Variants in PTPRD observed in about 807,000 individuals in gnomAD.
The protein encoded by PTPRD is protein tyrosine phosphatase receptor type D.
In PTPRD, 34 loss-of-function variants were observed where a neutral mutation model predicts 214.5. The observed-to-expected ratio is 0.16, with a 90% CI of 0.12 to 0.21. PTPRD has a LOEUF of 0.21. Ranked by LOEUF, PTPRD falls within the 10% of genes least tolerant of loss-of-function variation. The pLI, the probability that PTPRD is intolerant of heterozygous loss-of-function variation, is 1.00. For synonymous variants in PTPRD, 1,128 were observed against 845.7 expected (o/e 1.33, Z -5.79); for missense variants, 2,545 against 2,398.7 (o/e 1.06, Z -1.27).
At chr9:10,587,944 T>C (rs2074351934) in intron 2 of PTPRD, among the ~76,000 whole-genome samples, 1 of 152,160 alleles carries the variant, frequency 6.6e-6, no homozygotes, top group Non-Finnish European at 1.5e-5. Context: ...AATAAGTTCA[T>C]ATTCCTAGTT....
intron 11 of PTPRD, among the ~76,000 whole-genome samples, chr9:8,874,595 T>G (rs1256539127): frequency 1.3e-5 from 2 of 152,208 alleles, no homozygotes; most frequent in Non-Finnish European, 2.9e-5. Flanking sequence ...TTGGTTACCT[T>G]GTTCTCCTAA....
At chr9:8,787,209 G>A (rs1173566303) in intron 11 of PTPRD, among the ~76,000 whole-genome samples, 1 of 152,082 alleles carries the variant, frequency 6.6e-6, no homozygotes, top group Non-Finnish European at 1.5e-5. Flanking sequence ...TAGTTACCTT[G>A]GGAAGCTAGA....
At chr9:10,003,993 T>G (rs550568885) in intron 4 of PTPRD, among the ~76,000 whole-genome samples, 1 of 151,864 alleles carries the variant, frequency 6.6e-6, no homozygotes, top group African/African-American at 2.4e-5. Context: ...AAGATTGGAA[T>G]TGAGAAACTT....
At chr9:9,816,330 A>G (rs1018753035) in intron 5 of PTPRD, among the ~76,000 whole-genome samples, 8 of 152,062 alleles carry the variant, frequency 5.3e-5, no homozygotes, top group African/African-American at 1.9e-4. Context: ...GTATATTGCC[A>G]CATTAAAACA....
At chr9:8,903,391 T>C (rs1166183435) in intron 11 of PTPRD, among the ~76,000 whole-genome samples, 4 of 152,176 alleles carry the variant, frequency 2.6e-5, no homozygotes, top group Non-Finnish European at 4.4e-5. Context: ...AGCCAACTTT[T>C]AGTCATCCAT....
intron 7 of PTPRD, among the ~76,000 whole-genome samples, chr9:9,649,594 T>A (rs1483334940): frequency 1.3e-5 from 2 of 152,194 alleles, no homozygotes; most frequent in Non-Finnish European, 2.9e-5. Context: ...TGAGACTAAA[T>A]ATCACTGCCT....
At chr9:9,248,952 T>G (rs1382647146) in intron 9 of PTPRD, among the ~76,000 whole-genome samples, 1 of 152,056 alleles carries the variant, frequency 6.6e-6, no homozygotes, top group Non-Finnish European at 1.5e-5. Context: ...AGGTTCAGTG[T>G]TATCAGATCT....
intron 3 of PTPRD, among the ~76,000 whole-genome samples, chr9:10,131,908 AT>A (rs1423368829): frequency 2.0e-5 from 3 of 152,178 alleles, no homozygotes; most frequent in Non-Finnish European, 4.4e-5. Flanking sequence ...ATCAAAAAAT[AT>A]GCTCAAACAA....
Position 9,858,744 on chromosome 9 carries a change from A to C in PTPRD, c.-368+79763T>G, listed in dbSNP as rs893449905. On this transcript the variant is annotated intron_variant, in intron 5 of 45. Transcript: ENST00000381196. ...TAGTTAGTATAATCTTATTTTACAG[A>C]TAGAGAAAATAAAGCCAAAACAGGT... Among the ~76,000 whole-genome samples the C allele has an allele frequency of 2.6e-5, 4 of 152,234 alleles. No homozygotes were observed. The South Asian group carries it at 8.3e-4, about 31-fold the overall frequency.
At chr9:8,669,708 G>T (rs1565148046) in intron 12 of PTPRD, among the ~76,000 whole-genome samples, 1 of 152,168 alleles carries the variant, frequency 6.6e-6, no homozygotes, top group Non-Finnish European at 1.5e-5. Context: ...GTTTGTCCAA[G>T]AACCAAGTGA....
chr9:8,783,362 T>C (rs1445359603), intron 11 of PTPRD, among the ~76,000 whole-genome samples: 3 of 152,234 alleles, frequency 2.0e-5, no homozygotes, highest in Non-Finnish European at 2.9e-5. Context: ...ATAAAGTAAC[T>C]GGTGTTTCCT....
chr9:9,850,801 T>G (rs186331283), intron 5 of PTPRD, among the ~76,000 whole-genome samples: 103 of 152,246 alleles, frequency 6.8e-4, no homozygotes, highest in Non-Finnish European at 1.2e-3. Context: ...AAATATTATA[T>G]CCTTTGACCA....
At chr9:9,737,368 C>T (rs1408605313) in intron 6 of PTPRD, among the ~76,000 whole-genome samples, 1 of 152,056 alleles carries the variant, frequency 6.6e-6, no homozygotes, top group Non-Finnish European at 1.5e-5. Flanking sequence ...ATATAATTTA[C>T]ATAATGTTTA....
rs1491465404 is a variant in PTPRD at position 9,275,199 on chromosome 9, T to TATATATATGTTATATATATATA, written c.-202-91837_-202-91836insTATATATATATAACATATATAT. ...AATATATATGTTATATATATATATA[T>TATATATATGTTATATATATATA]TATATATATATATATATAACCATTA... is the stretch of plus-strand genomic sequence containing the variant. On this transcript the variant is annotated intron_variant, in intron 9 of 45. Transcript: ENST00000381196. Among the ~76,000 whole-genome samples the TATATATATGTTATATATATATA allele has an allele frequency of 3.5e-3, 36 of 10,394 alleles. 1 individual carries two copies. The highest frequency in any genetic ancestry group is 8.3e-3 in the African/African-American group (34 of 4,098). 6.8% of individuals were successfully genotyped at this position (10,394 alleles called of 152,430 possible).
chr9:8,676,924 C>A (rs1178519985), intron 12 of PTPRD, among the ~76,000 whole-genome samples: 2 of 152,090 alleles, frequency 1.3e-5, no homozygotes, highest in South Asian at 2.1e-4. Context: ...GCTTGGCACA[C>A]AGTAGGCACC....
chr9:9,899,301 C>G (rs534548110), intron 5 of PTPRD, among the ~76,000 whole-genome samples: 1 of 151,804 alleles, frequency 6.6e-6, no homozygotes, highest in Admixed American at 6.6e-5. Flanking sequence ...ACTTCTGAAC[C>G]GTGCATCTAA....
chr9:10,523,639 A>T (rs1170827770), intron 2 of PTPRD, among the ~76,000 whole-genome samples: 1 of 142,318 alleles, frequency 7.0e-6, no homozygotes, highest in Admixed American at 7.0e-5. Context: ...AAAGAAAGGG[A>T]GAGAGAGAGA....
intron 9 of PTPRD, among the ~76,000 whole-genome samples, chr9:9,267,456 T>C (rs1450717752): frequency 6.6e-6 from 1 of 151,312 alleles, no homozygotes; most frequent in African/African-American, 2.4e-5. Context: ...GCCTCACTGG[T>C]GAATTCTACC....
At chr9:8,782,745 A>T (rs112696215) in intron 11 of PTPRD, among the ~76,000 whole-genome samples, 9 of 151,780 alleles carry the variant, frequency 5.9e-5, no homozygotes, top group Non-Finnish European at 1.2e-4. Flanking sequence ...TTACAGGCGC[A>T]CACCACCACC....
Sources: gnomAD v4.1 joint callset for allele counts (sites outside exome capture counted in the v4.1 genomes callset) on GRCh38, gnomAD v4.1.1 for gene constraint, MANE v1.5 for transcripts, NCBI Gene and HGNC (gene_info 2026-07-23, HGNC 2026-07-21) for gene names.